The following CSRP1 variants were observed in gnomAD, a reference collection of about 807,000 sequenced individuals.
CSRP1 encodes the protein cysteine and glycine-rich protein 1.
A neutral mutation model predicts 25.4 loss-of-function variants in CSRP1; 16 were observed. That is an observed-to-expected ratio of 0.63 (90% CI 0.43 to 0.96). The LOEUF (loss-of-function observed/expected upper bound fraction) is 0.96. CSRP1 is among the 40% of genes least tolerant of loss of function. The pLI, the probability that CSRP1 is intolerant of heterozygous loss-of-function variation, is 0.00. For synonymous variants in CSRP1, 97 were observed against 95.3 expected (o/e 1.02, Z -0.10); for missense variants, 212 against 243.6 (o/e 0.87, Z 0.86).
chr1:201,498,403 A>T (rs943625294), intron 1 of CSRP1, among the ~76,000 whole-genome samples: 1 of 152,200 alleles, frequency 6.6e-6, no homozygotes, highest in Non-Finnish European at 1.5e-5. Context: ...CGGGAAATAA[A>T]GGGGCTGGGA....
At chr1:201,500,268 T>A (rs375794069) in intron 1 of CSRP1, among the ~76,000 whole-genome samples, 2 of 152,146 alleles carry the variant, frequency 1.3e-5, no homozygotes, top group South Asian at 4.1e-4. Context: ...CCTAGCCACA[T>A]GGTTGGGAGC....
At chr1:201,497,236 G>C (rs1328522808) in intron 1 of CSRP1, among the ~76,000 whole-genome samples, 1 of 151,538 alleles carries the variant, frequency 6.6e-6, no homozygotes, top group African/African-American at 2.4e-5. Context: ...GTGCGCCCCT[G>C]TAATCCTAGC....
intron 2 of CSRP1, chr1:201,491,302 A>C (rs1003945843): frequency 6.6e-6 from 1 of 152,296 alleles, no homozygotes; most frequent in African/African-American, 2.4e-5. Flanking sequence ...AAAACTTTTA[A>C]AAATAAAAAT....
intron 4 of CSRP1, chr1:201,486,750 T>G: frequency 9.3e-7 from 1 of 1,070,950 alleles, no homozygotes; most frequent in South Asian, 2.8e-5. Context: ...CAACATTTCT[T>G]GAGCGAGGCA....
At chr1:201,486,877 T>C (rs1304338783) in intron 4 of CSRP1, 38 of 1,226,390 alleles carry the variant, frequency 3.1e-5, no homozygotes, top group Non-Finnish European at 3.9e-5. Flanking sequence ...GAAATAGTGA[T>C]TCTTAGCTAT....
At chr1:201,488,677 A>G in intron 4 of CSRP1, 178 bp downstream of exon 4, 1 of 597,104 alleles carries the variant, frequency 1.7e-6, no homozygotes, top group East Asian at 3.2e-5. Flanking sequence ...GGCTGATATG[A>G]GCTCCTTGGA....
chr1:201,486,809 C>A, intron 4 of CSRP1: 2 of 1,065,122 alleles, frequency 1.9e-6, no homozygotes, highest in Non-Finnish European at 2.3e-6. Context: ...ATGCAAAATT[C>A]TCTTATCCTA....
At chr1:201,506,104 CA>C (rs1323321219) in intron 1 of CSRP1, among the ~76,000 whole-genome samples, 1 of 152,146 alleles carries the variant, frequency 6.6e-6, no homozygotes, top group Non-Finnish European at 1.5e-5. Flanking sequence ...ATCCAAGAGT[CA>C]AAACTCTGCC....
At chr1:201,487,109 T>A in intron 4 of CSRP1, 1 of 697,610 alleles carries the variant, frequency 1.4e-6, no homozygotes, top group Non-Finnish European at 2.2e-6. Context: ...CTATCTCATT[T>A]AATCATTAAA....
intron 1 of CSRP1, among the ~76,000 whole-genome samples, chr1:201,505,135 C>T (rs982140480): frequency 2.0e-5 from 3 of 152,156 alleles, no homozygotes; most frequent in African/African-American, 7.2e-5. Flanking sequence ...AAAAAACCTA[C>T]GCCTTTTTTC....
chr1:201,501,498 C>T (rs1003262286), intron 1 of CSRP1, among the ~76,000 whole-genome samples: 2 of 152,162 alleles, frequency 1.3e-5, no homozygotes, highest in African/African-American at 2.4e-5. Flanking sequence ...TTTCCTGAAA[C>T]GGCTGGCGGC....
chr1:201,505,519 C>G (rs1664801064), intron 1 of CSRP1, among the ~76,000 whole-genome samples: 1 of 150,924 alleles, frequency 6.6e-6, no homozygotes, highest in South Asian at 2.1e-4. Flanking sequence ...TCTTCTTCCC[C>G]ATACCCTCCA....
chr1:201,507,005 C>G (rs1664846373), intron 1 of CSRP1, 65 bp downstream of exon 1: 1 of 152,210 alleles, frequency 6.6e-6, no homozygotes, highest in Non-Finnish European at 1.5e-5. Context: ...GACCGGGAGG[C>G]GCTGAGTGCG....
At chr1:201,504,480 A>G (rs1420604717) in intron 1 of CSRP1, among the ~76,000 whole-genome samples, 1 of 152,248 alleles carries the variant, frequency 6.6e-6, no homozygotes, top group East Asian at 1.9e-4. Flanking sequence ...CTTGGAGGAA[A>G]AAGTCTTATT....
intron 2 of CSRP1, 36 bp downstream of exon 2, chr1:201,496,156 C>T (rs756878007): frequency 6.4e-7 from 1 of 1,560,078 alleles, no homozygotes; most frequent in Admixed American, 1.7e-5. Context: ...TCCAGGGTGT[C>T]CAAGGCAACA....
At chr1:201,489,451 GGGAGTGCCGT>G (rs1664257945) in intron 3 of CSRP1, 1 of 181,316 alleles carries the variant, frequency 5.5e-6, no homozygotes, top group Non-Finnish European at 1.2e-5. Context: ...CCAGAGGCCA[GGGAGTGCCGT>G]GGGGTGAGGG....
At chr1:201,504,307 C>T (rs1664749745) in intron 1 of CSRP1, among the ~76,000 whole-genome samples, 2 of 152,158 alleles carry the variant, frequency 1.3e-5, no homozygotes, top group Admixed American at 1.3e-4. Flanking sequence ...ATAAATTGTC[C>T]AAGATAACAC....
intron 1 of CSRP1, among the ~76,000 whole-genome samples, chr1:201,497,075 G>A (rs542568098): frequency 3.3e-5 from 5 of 152,280 alleles, no homozygotes; most frequent in Non-Finnish European, 7.4e-5. Context: ...GCAGGGCTGG[G>A]CATGGTGGCT....
At position 201,505,027 on chromosome 1, in the gene CSRP1, G is replaced by A. The variant is rs761826804; in HGVS notation, c.-2+2043C>T. On this transcript the variant is annotated intron_variant, in intron 1 of 5. Transcript: ENST00000340006. ...AGGCAGGAGAATCGCTTGAACCCAG[G>A]AGGCAGAGGTTGCAGTGAGCCAATG... Among the ~76,000 whole-genome samples, 72 of 152,286 alleles carry A rather than the reference G, an allele frequency of 4.7e-4. 1 individual carries two copies. The highest frequency in any genetic ancestry group is 9.7e-4 in the Non-Finnish European group (66 of 68,016).
Sources: gnomAD v4.1 joint callset for allele counts (sites outside exome capture counted in the v4.1 genomes callset) on GRCh38, gnomAD v4.1.1 for gene constraint, MANE v1.5 for transcripts, NCBI Gene and HGNC (gene_info 2026-07-23, HGNC 2026-07-21) for gene names.